NFRKB: variants seen among roughly 807,000 people sequenced by gnomAD.
NFRKB encodes the protein nuclear factor related to kappaB binding protein, also known as nuclear factor related to kappa-B-binding protein.
NFRKB carries 62 observed loss-of-function variants against 135.7 expected under a neutral mutation model. The observed-to-expected ratio is 0.46, with a 90% CI of 0.37 to 0.56. The LOEUF is 0.56. Among genes scored for constraint, NFRKB ranks in the 20% least tolerant of loss-of-function variants. The probability of loss-of-function intolerance (pLI) is 0.00; values close to 1 mark genes in which losing one functional copy is unlikely to be tolerated. For missense variants in NFRKB, 1,545 were observed against 1,662.0 expected (o/e 0.93, Z 1.22); for synonymous variants, 678 against 635.6 (o/e 1.07, Z -1.00).
chr11:129,894,725 C>T (rs1020375854), intron 1 of NFRKB, among the ~76,000 whole-genome samples: 2 of 152,134 alleles, frequency 1.3e-5, no homozygotes, highest in Non-Finnish European at 2.9e-5. Flanking sequence ...ATGCCTATGC[C>T]TAAATAAGTG....
rs768526943 is a variant in NFRKB at position 129,869,750 on chromosome 11, T to G, written c.3275A>C (p.Gln1092Pro). ...TTTGGGAGGCATCACTCCCAGTCCC[T>G]GCACGATGCGGATCGTGGCAGCTGG... ...AKPAATIRIVQGLGVMPPKAG... is the reference protein window; with the variant it reads ...AKPAATIRIVPGLGVMPPKAG... Residue 1092 changes from glutamine (Q) to proline (P), a missense_variant, in exon 24 of 27, where the codon CAG (glutamine) becomes CCG (proline). By Grantham distance (76) the Gln-to-Pro change is moderately conservative. Coordinates refer to ENST00000682444, the MANE Select transcript of NFRKB (RefSeq NM_001143835.2). 6.2e-7 allele frequency: 1 copy of G among 1,614,262 alleles called. No homozygotes were observed. The highest frequency in any genetic ancestry group is 8.5e-7 in the Non-Finnish European group (1 of 1,180,040).
In NFRKB at chr11:129,882,539, C is replaced by T. The variant is rs769688753; in HGVS notation, c.994G>A (p.Asp332Asn). The change falls in exon 10 of 27, where the codon GAC (aspartate) becomes AAC (asparagine). Residue 332 changes from aspartate (D) to asparagine (N), a missense_variant. Transcript: ENST00000682444. ...GTACTGCTTAGCGGCTCGGCCAGGT[C>T]CTCTGCCTCTGATTTGATCGTTTTT... is the stretch of plus-strand genomic sequence containing the variant. ...KIKTIKSEAE[D>N]LAEPLSSTEG... 6.2e-7 allele frequency: 1 copy of T among 1,614,058 alleles called. No homozygotes were observed. The highest frequency in any genetic ancestry group is 1.7e-5 in the Admixed American group (1 of 60,024).
In NFRKB at chr11:129,883,107, G is replaced by A; in HGVS notation, c.901+15C>T. ...ATAGTCAGATGAAGGCTCCTAGAGG[G>A]GCCCAGTCATTTACCTGCCAGAGAG... On this transcript the variant is annotated intron_variant, in intron 9 of 26. Coordinates refer to ENST00000682444, the MANE Select transcript of NFRKB (RefSeq NM_001143835.2). 6.2e-7 allele frequency: 1 copy of A among 1,612,654 alleles called. No homozygotes were observed. Among genetic ancestry groups the A allele is most frequent in the Non-Finnish European group, 8.5e-7 (1 of 1,178,904 alleles).
In NFRKB at chr11:129,874,593, G is replaced by A. The variant is rs370359472; in HGVS notation, c.1979-13C>T. 6.2e-7 allele frequency: 1 copy of A among 1,613,530 alleles called. No homozygotes were observed. The highest frequency in any genetic ancestry group is 2.2e-5 in the East Asian group (1 of 44,878). ...TGGTGAATCCGCTCTGTGAACAAGA[G>A]GGGCAAGCTTCAGCCAGAGTTTAAC... is the stretch of plus-strand genomic sequence containing the variant. On this transcript the variant is annotated splice_polypyrimidine_tract_variant and intron_variant, in intron 19 of 26. Coordinates refer to ENST00000682444, the MANE Select transcript of NFRKB (RefSeq NM_001143835.2). This position sits in a 1 kb window ranked among gnomAD's most constrained non-coding sequence, Gnocchi z 4.5.
At chr11:129,884,283 G>A in intron 7 of NFRKB, 140 bp from the exon 8 acceptor site, 1 of 821,372 alleles carries the variant, frequency 1.2e-6, no homozygotes. Context: ...TAAAGTCACA[G>A]GATCGACACT....
In NFRKB at chr11:129,872,887, C is replaced by A; in HGVS notation, c.2760G>T (p.Lys920Asn). Residue 920 changes from lysine (K) to asparagine (N), a missense_variant, in exon 23 of 27, where the codon AAG (lysine) becomes AAT (asparagine). Physicochemically the swap from Lys to Asn is moderately conservative, Grantham distance 94. Coordinates refer to ENST00000682444, the MANE Select transcript of NFRKB (RefSeq NM_001143835.2). ...ACGTGGAAAGAGCCCCACCTACCTG[C>A]TTGATGATGTTCTGTCCTGTGACAT... Reference protein sequence around the residue: ...IQNVTGQNIIKQVAITGQLGV... With the variant: ...IQNVTGQNIINQVAITGQLGV... 1 of 1,596,570 alleles carries A rather than the reference C, an allele frequency of 6.3e-7. No individual in the cohort carries two copies. The highest frequency in any genetic ancestry group is 8.6e-7 in the Non-Finnish European group (1 of 1,166,920).
chr11:129,873,222 A>C, intron 22 of NFRKB, 126 bp from the exon 23 acceptor site: 1 of 722,766 alleles, frequency 1.4e-6, no homozygotes, highest in Non-Finnish European at 2.2e-6. Flanking sequence ...CACAGTACTT[A>C]AGGCACACCA....
intron 13 of NFRKB, among the ~76,000 whole-genome samples, chr11:129,879,143 C>T (rs1320792602): frequency 3.3e-5 from 5 of 152,116 alleles, no homozygotes; most frequent in African/African-American, 1.2e-4. Context: ...TGTCTCCTGC[C>T]CAGCATAGAA....
At chr11:129,867,240 C>CAAAAG (rs1948238532) in intron 24 of NFRKB, among the ~76,000 whole-genome samples, 1 of 150,688 alleles carries the variant, frequency 6.6e-6, no homozygotes, top group African/African-American at 2.4e-5. Flanking sequence ...TAGAGGGATT[C>CAAAAG]AAAAGAAACA....
Position 129,894,390 on chromosome 11 carries a change from A to T in NFRKB, c.-53T>A, listed in dbSNP as rs1374555463. The T allele has an allele frequency of 6.6e-6, 1 of 152,254 alleles. No homozygotes were observed. The highest frequency in any genetic ancestry group is 2.4e-5 in the African/African-American group (1 of 41,470). 9.4% of individuals were successfully genotyped at this position (152,254 alleles called of 1,614,324 possible). A position where few individuals can be genotyped will look rare whatever the true frequency, so the allele number is the denominator to read the frequency against. ...AGGTGTCAATTTCCTTATTTGAGGA[A>T]GGGAAGCTGGACCAGGTCCTCCCTC... On this transcript the variant is annotated 5_prime_UTR_variant, in exon 2 of 27. Transcript: ENST00000682444.
At chr11:129,870,485 G>A (rs1948450755) in intron 23 of NFRKB, among the ~76,000 whole-genome samples, 1 of 152,126 alleles carries the variant, frequency 6.6e-6, no homozygotes, top group Non-Finnish European at 1.5e-5. Flanking sequence ...CCCCACTGTG[G>A]TGGGGGAGGG....
rs1376616763 is a variant in NFRKB at position 129,882,544 on chromosome 11, G to C, written c.989C>G (p.Ala330Gly). 1 of 1,614,062 alleles carries C rather than the reference G, an allele frequency of 6.2e-7. No individual in the cohort carries two copies. Among genetic ancestry groups the C allele is most frequent in the Admixed American group, 1.7e-5 (1 of 60,014 alleles). Residue 330 changes from alanine to glycine, a missense_variant, in exon 10 of 27, where the codon GCA becomes GGA. Physicochemically the swap from Ala to Gly is moderately conservative, Grantham distance 60. Around this residue, in one of 3 missense-constraint regions of NFRKB, gnomAD observed 678 missense variants for 646.7 expected, o/e 1.05. Transcript: ENST00000682444. ...KKKIKTIKSE[A>G]EDLAEPLSST... is the part of the protein sequence containing the mutation. ...GCTTAGCGGCTCGGCCAGGTCCTCTGCCTCTGATTTGATCGTTTTTATTTT... is the reference window on the plus strand; with the variant it reads ...GCTTAGCGGCTCGGCCAGGTCCTCTCCCTCTGATTTGATCGTTTTTATTTT...
intron 24 of NFRKB, among the ~76,000 whole-genome samples, chr11:129,868,020 T>A (rs1045672064): frequency 4.6e-5 from 7 of 152,172 alleles, no homozygotes; most frequent in Non-Finnish European, 1.0e-4. Flanking sequence ...CTTTTTTTTT[T>A]TAAAACTCAA....
intron 4 of NFRKB, among the ~76,000 whole-genome samples, chr11:129,886,929 T>C (rs1949306732): frequency 6.6e-6 from 1 of 152,044 alleles, no homozygotes; most frequent in South Asian, 2.1e-4. Flanking sequence ...CTGCCAACCA[T>C]AGAGGGGAAT....
chr11:129,867,348 CAG>C (rs1231519318), intron 24 of NFRKB, among the ~76,000 whole-genome samples: 1 of 126,790 alleles, frequency 7.9e-6, no homozygotes, highest in Non-Finnish European at 1.6e-5. Context: ...TTTTTTGAGA[CAG>C]AGTCTTGCTC....
Position 129,895,115 on chromosome 11 carries a change from G to A in NFRKB, c.-102+381C>T, listed in dbSNP as rs1461747212. ...CTTCACTAGACCACGAAGGCCTCTC[G>A]GCCTCTCATCACTGGCTTTCAGCAC... is the stretch of plus-strand genomic sequence containing the variant. On this transcript the variant is annotated intron_variant, in intron 1 of 26. Transcript: ENST00000682444. 5.3e-5 allele frequency among the ~76,000 whole-genome samples: 8 copies of A among 152,262 alleles called. No individual in the cohort carries two copies. In the East Asian group the frequency reaches 1.4e-3, roughly 26 times the overall value.
At position 129,867,322 on chromosome 11, in the gene NFRKB, CTTTTTTT is replaced by C. The variant is rs894926200; in HGVS notation, c.3532-1346_3532-1340del. Among the ~76,000 whole-genome samples, 4 of 129,518 alleles carry C rather than the reference CTTTTTTT, an allele frequency of 3.1e-5. No individual in the cohort carries two copies. The East Asian group carries it at 8.6e-4, about 28-fold the overall frequency. 85.0% of individuals were successfully genotyped at this position (129,518 alleles called of 152,430 possible). On this transcript the variant is annotated intron_variant, in intron 24 of 26. Coordinates refer to ENST00000682444, the MANE Select transcript of NFRKB (RefSeq NM_001143835.2). ...CTATGATGCAGAAACCTAAGTAACT[CTTTTTTT>C]TTTTTTTTTTTTTTGAGACAGAGTC...
intron 22 of NFRKB, 48 bp downstream of exon 22, chr11:129,873,697 T>G: frequency 6.3e-7 from 1 of 1,594,260 alleles, no homozygotes. Context: ...TCAGCCCACC[T>G]CTGGGTCTGC....
At chr11:129,894,863 T>C (rs1233494726) in intron 1 of NFRKB, among the ~76,000 whole-genome samples, 2 of 152,228 alleles carry the variant, frequency 1.3e-5, no homozygotes, top group African/African-American at 4.8e-5. Context: ...GAACAGACTA[T>C]CAACTGCAAA....
Sources: gnomAD v4.1 joint callset for allele counts (sites outside exome capture counted in the v4.1 genomes callset) on GRCh38, gnomAD v4.1.1 for gene constraint, gnomAD v4.1.1 regional missense constraint, Gnocchi (gnomAD v3.1) non-coding constraint, MANE v1.5 for transcripts, NCBI Gene and HGNC (gene_info 2026-07-23, HGNC 2026-07-21) for gene names.